NTRK2: variants seen among roughly 807,000 people sequenced by gnomAD.
The protein encoded by NTRK2 is neurotrophic receptor tyrosine kinase 2.
A neutral mutation model predicts 94.5 loss-of-function variants in NTRK2; 13 were observed. That is an observed-to-expected ratio of 0.14 (90% confidence interval 0.09 to 0.22). The LOEUF is 0.22. NTRK2 is among the 10% of genes least tolerant of loss of function. The pLI, the probability that NTRK2 is intolerant of heterozygous loss-of-function variation, is 1.00. For missense variants in NTRK2, 639 were observed against 1,071.2 expected (o/e 0.60, Z 5.63); for synonymous variants, 372 against 407.4 (o/e 0.91, Z 1.05).
At chr9:84,919,641 A>G (rs1454304203) in intron 14 of NTRK2, among the ~76,000 whole-genome samples, 3 of 152,228 alleles carry the variant, frequency 2.0e-5, no homozygotes, top group African/African-American at 7.2e-5. Flanking sequence ...TGAGCCTTCA[A>G]GTGCTGCGAG....
At chr9:84,830,535 A>ATGTG (rs1491323558) in intron 12 of NTRK2, among the ~76,000 whole-genome samples, 2 of 141,448 alleles carry the variant, frequency 1.4e-5, no homozygotes, top group African/African-American at 5.9e-5. Flanking sequence ...ATGAGCATGC[A>ATGTG]TGCGTGTGTG....
chr9:84,718,906 G>C (rs866879526), intron 6 of NTRK2, among the ~76,000 whole-genome samples: 1 of 152,114 alleles, frequency 6.6e-6, no homozygotes, highest in Admixed American at 6.5e-5. Context: ...ATTAACATGA[G>C]TCAGATGCTT....
intron 2 of NTRK2, among the ~76,000 whole-genome samples, chr9:84,693,754 C>T (rs534295313): frequency 3.3e-5 from 5 of 152,242 alleles, no homozygotes; most frequent in Non-Finnish European, 5.9e-5. Context: ...GAAACTGAGG[C>T]GTAGGGACTT....
chr9:84,901,407 T>G (rs945613219), intron 14 of NTRK2, among the ~76,000 whole-genome samples: 2 of 151,752 alleles, frequency 1.3e-5, no homozygotes, highest in Non-Finnish European at 2.9e-5. Context: ...TGTGTGTGTG[T>G]ATTTTTAGTA....
intron 14 of NTRK2, among the ~76,000 whole-genome samples, chr9:84,880,127 C>T (rs1472173470): frequency 6.6e-6 from 1 of 152,164 alleles, no homozygotes; most frequent in Admixed American, 6.5e-5. Flanking sequence ...CTAGAAAAAG[C>T]AAGCTATACC....
At chr9:84,895,859 A>G (rs911511539) in intron 14 of NTRK2, among the ~76,000 whole-genome samples, 8 of 152,356 alleles carry the variant, frequency 5.3e-5, no homozygotes, top group Admixed American at 3.9e-4. Flanking sequence ...GGGCAAATAA[A>G]TGGTGCTCCG....
At chr9:84,694,880 T>TC (rs2060267627) in intron 2 of NTRK2, among the ~76,000 whole-genome samples, 1 of 151,862 alleles carries the variant, frequency 6.6e-6, no homozygotes. Context: ...TTAGATTTGA[T>TC]AAAAATCTAT....
At chr9:84,846,722 C>A (rs2074490262) in intron 12 of NTRK2, among the ~76,000 whole-genome samples, 1 of 152,232 alleles carries the variant, frequency 6.6e-6, no homozygotes. Context: ...CATTTGCCTG[C>A]CAATAGTGAT....
At chr9:84,882,598 T>C (rs2076285976) in intron 14 of NTRK2, among the ~76,000 whole-genome samples, 1 of 152,172 alleles carries the variant, frequency 6.6e-6, no homozygotes, top group African/African-American at 2.4e-5. Context: ...TATTTATCCT[T>C]AACCCCATGT....
intron 14 of NTRK2, among the ~76,000 whole-genome samples, chr9:84,904,627 T>C (rs1328996197): frequency 6.6e-6 from 1 of 152,216 alleles, no homozygotes. Flanking sequence ...AACAACAGAA[T>C]ATTCTGTGAA....
At chr9:85,004,119 T>G (rs1332010556) in intron 17 of NTRK2, among the ~76,000 whole-genome samples, 298 of 111,452 alleles carry the variant, frequency 2.7e-3, no homozygotes, top group Middle Eastern at 4.7e-3. Context: ...AGGAAGGGAG[T>G]GAGGAAGGAA....
intron 17 of NTRK2, among the ~76,000 whole-genome samples, chr9:85,016,862 A>T (rs1194006137): frequency 6.6e-6 from 1 of 152,174 alleles, no homozygotes; most frequent in Admixed American, 6.5e-5. Flanking sequence ...GAAATCCCAG[A>T]AGGGATTCTT....
At chr9:84,876,223 G>A (rs967193170) in intron 14 of NTRK2, 2 of 1,042,336 alleles carry the variant, frequency 1.9e-6, no homozygotes, top group Non-Finnish European at 2.3e-6. Flanking sequence ...GATATAGAGA[G>A]GACAGGATAA....
intron 12 of NTRK2, among the ~76,000 whole-genome samples, chr9:84,841,113 GA>G (rs2074157400): frequency 6.6e-6 from 1 of 152,198 alleles, no homozygotes; most frequent in Non-Finnish European, 1.5e-5. Context: ...CTCATGGGTA[GA>G]AACCTCAGAT....
chr9:84,863,098 G>A lies in NTRK2; in HGVS notation c.1444+2011G>A, dbSNP rs1036186874. Among the ~76,000 whole-genome samples, 4 of 152,164 alleles carry A rather than the reference G, an allele frequency of 2.6e-5. 1 individual carries two copies. The South Asian group carries it at 8.3e-4, about 32-fold the overall frequency. ...CTCCAGGATTAGCACGGCCCCAGAT[G>A]TCAAAGCACCAGAATCCAGAATATA... On this transcript the variant is annotated intron_variant, in intron 13 of 18. Coordinates refer to ENST00000277120, the MANE Select transcript of NTRK2 (RefSeq NM_006180.6).
intron 12 of NTRK2, 77 bp from the exon 13 acceptor site, chr9:84,860,963 G>T: frequency 1.1e-6 from 1 of 898,572 alleles, no homozygotes; most frequent in South Asian, 1.7e-5. Context: ...TGCATTATTT[G>T]ACCAAGGACA....
chr9:84,672,405 A>C (rs1386834696), intron 2 of NTRK2, among the ~76,000 whole-genome samples: 1 of 152,120 alleles, frequency 6.6e-6, no homozygotes, highest in Admixed American at 6.5e-5. Flanking sequence ...TAGGGCCCCA[A>C]CTGTGGTGGT....
intron 12 of NTRK2, among the ~76,000 whole-genome samples, chr9:84,833,484 G>C (rs1004801108): frequency 1.4e-5 from 2 of 147,190 alleles, no homozygotes; most frequent in African/African-American, 2.5e-5. Flanking sequence ...GGAAGGAACA[G>C]GAAAGAAAGA....
chr9:84,981,521 A>T (rs1261152915), intron 17 of NTRK2, among the ~76,000 whole-genome samples: 2 of 152,182 alleles, frequency 1.3e-5, no homozygotes, highest in Admixed American at 1.3e-4. Flanking sequence ...GCAAGTAATT[A>T]TTCTAATCTT....
Sources: allele counts gnomAD v4.1 joint callset (sites outside exome capture counted in the v4.1 genomes callset), GRCh38; gene constraint gnomAD v4.1.1; transcripts MANE v1.5; gene names NCBI Gene and HGNC (gene_info 2026-07-23, HGNC 2026-07-21).